Variants in BFAR observed in about 807,000 individuals in gnomAD.
BFAR encodes bifunctional apoptosis regulator.
Under a neutral mutation model 54.4 loss-of-function variants are expected in BFAR, and 52 were observed. The observed-to-expected ratio is 0.96, with a 90% confidence interval of 0.77 to 1.21. BFAR has a LOEUF of 1.21. BFAR is among the 50% of genes most tolerant of loss of function. BFAR has a pLI of 0.00. For missense variants in BFAR, 571 were observed against 534.0 expected (o/e 1.07, Z -0.68); for synonymous variants, 215 against 204.3 (o/e 1.05, Z -0.45).
chr16:14,636,720 T>C (rs1397586412), intron 1 of BFAR, among the ~76,000 whole-genome samples: 1 of 152,186 alleles, frequency 6.6e-6, no homozygotes, highest in Non-Finnish European at 1.5e-5. Flanking sequence ...GTCAGGTCTT[T>C]CCCTTCCCAA....
chr16:14,637,188 C>G (rs369516984), intron 1 of BFAR, among the ~76,000 whole-genome samples: 1 of 139,454 alleles, frequency 7.2e-6, no homozygotes, highest in East Asian at 2.2e-4. Context: ...AGTTCATGTT[C>G]CAAAATGCTG....
At chr16:14,647,167 C>G (rs1179508967) in intron 2 of BFAR, among the ~76,000 whole-genome samples, 2 of 152,020 alleles carry the variant, frequency 1.3e-5, no homozygotes, top group African/African-American at 2.4e-5. Context: ...TCACTGCAAC[C>G]TCCTCCTCCC....
chr16:14,659,240 T>TG (rs1567493895), intron 5 of BFAR, among the ~76,000 whole-genome samples: 7 of 147,768 alleles, frequency 4.7e-5, no homozygotes, highest in Non-Finnish European at 1.0e-4. Context: ...TTTTGTTTTT[T>TG]TTTGTTTTTT....
At chr16:14,648,711 T>C (rs990274099) in intron 3 of BFAR, 119 bp downstream of exon 3, 3 of 747,996 alleles carry the variant, frequency 4.0e-6, no homozygotes, top group Non-Finnish European at 6.7e-6. Context: ...CTCCATGTAA[T>C]TTACTACGTA....
intron 6 of BFAR, among the ~76,000 whole-genome samples, chr16:14,663,075 A>G (rs1960336921): frequency 1.3e-5 from 2 of 152,352 alleles, no homozygotes; most frequent in South Asian, 4.1e-4. Context: ...ATAACTGGTT[A>G]GGTCAGGGGT....
intron 3 of BFAR, 60 bp from the exon 4 acceptor site, chr16:14,649,744 T>C: frequency 6.9e-7 from 1 of 1,446,042 alleles, no homozygotes; most frequent in Non-Finnish European, 9.4e-7. Flanking sequence ...CCCACCCGCA[T>C]ATTTAGAAAC....
chr16:14,665,419 A>G (rs1326364477), intron 7 of BFAR, among the ~76,000 whole-genome samples: 3 of 152,328 alleles, frequency 2.0e-5, no homozygotes, highest in Non-Finnish European at 2.9e-5. Flanking sequence ...GTGCAAACCT[A>G]TCCCCTAAAT....
chr16:14,654,916 A>G (rs79446191), intron 4 of BFAR, 150 bp from the exon 5 acceptor site: 30,354 of 790,374 alleles, frequency 0.038, 710 homozygotes, highest in East Asian at 0.058. Flanking sequence ...TAAGCATTCA[A>G]TTATTTGCTG....
intron 5 of BFAR, among the ~76,000 whole-genome samples, chr16:14,656,048 A>G (rs1250739811): frequency 7.9e-5 from 12 of 152,096 alleles, no homozygotes; most frequent in Non-Finnish European, 1.8e-4. Context: ...CGTCTCTACT[A>G]AAATCACAAA....
In BFAR at chr16:14,663,537, C is replaced by T. The variant is rs553188769; in HGVS notation, c.958-1332C>T. On this transcript the variant is annotated intron_variant, in intron 6 of 7. Coordinates refer to ENST00000261658, the MANE Select transcript of BFAR (RefSeq NM_016561.3). ...TAGTAGAGATGGGGTTTCACTGTGT[C>T]AGCCAGGATGGTCTTGATCTCCTGA... is the stretch of plus-strand genomic sequence containing the variant. Among the ~76,000 whole-genome samples, 531 of 151,662 alleles carry T rather than the reference C, an allele frequency of 3.5e-3. 5 individuals are homozygous for T. The highest frequency in any genetic ancestry group is 0.021 in the Middle Eastern group (6 of 290).
chr16:14,663,203 GA>G (rs1960341121), intron 6 of BFAR, among the ~76,000 whole-genome samples: 1 of 152,200 alleles, frequency 6.6e-6, no homozygotes, highest in Non-Finnish European at 1.5e-5. Flanking sequence ...AAGACAACAT[GA>G]GGGGTGGTCT....
intron 5 of BFAR, 33 bp downstream of exon 5, chr16:14,655,243 C>G (rs975140615): frequency 5.3e-6 from 5 of 939,404 alleles, no homozygotes; most frequent in Admixed American, 3.7e-5. Flanking sequence ...TTTTTTTTTA[C>G]TTTTTATTTT....
chr16:14,645,329 AAG>A (rs944737806), intron 2 of BFAR, among the ~76,000 whole-genome samples: 3 of 152,140 alleles, frequency 2.0e-5, no homozygotes, highest in African/African-American at 4.8e-5. Flanking sequence ...GAAAGAAAGA[AAG>A]AAAGAAAGCA....
At chr16:14,643,039 G>A (rs971734122) in intron 1 of BFAR, among the ~76,000 whole-genome samples, 1 of 151,864 alleles carries the variant, frequency 6.6e-6, no homozygotes, top group Non-Finnish European at 1.5e-5. Context: ...AAAGCCAGAT[G>A]TGGTGGCTCA....
chr16:14,663,678 TCTC>T (rs1960356806), intron 6 of BFAR, among the ~76,000 whole-genome samples: 1 of 151,978 alleles, frequency 6.6e-6, no homozygotes, highest in South Asian at 2.1e-4. Flanking sequence ...TTGAAAAGCT[TCTC>T]CTCCTGCCAT....
Position 14,665,018 on chromosome 16 carries a change from C to G in BFAR, c.1107C>G (p.Leu369=). ...SRFLIINAML[L]SVLELFSFWR... is the part of the protein sequence containing the mutation. ...TTCTCATCATCAATGCTATGTTACTCTCAGTTCTGGAATTATTCTCCTTTT... is the reference window on the plus strand; with the variant it reads ...TTCTCATCATCAATGCTATGTTACTGTCAGTTCTGGAATTATTCTCCTTTT... Residue 369 remains leucine, a synonymous_variant, in exon 7 of 8, where the codon CTC becomes CTG. Transcript: ENST00000261658. 2 of 1,614,132 alleles carry G rather than the reference C, an allele frequency of 1.2e-6. No homozygotes were observed. Among genetic ancestry groups the G allele is most frequent in the Non-Finnish European group, 1.7e-6 (2 of 1,179,990 alleles).
At chr16:14,645,237 C>T (rs1271014597) in intron 2 of BFAR, among the ~76,000 whole-genome samples, 2 of 151,856 alleles carry the variant, frequency 1.3e-5, no homozygotes, top group African/African-American at 2.4e-5. Context: ...ATTGCTTGAG[C>T]CTGGGAGGTC....
rs539961441 is a variant in BFAR at position 14,669,092 on chromosome 16, A to G, written c.*1265A>G. 89 of 454,480 alleles carry G rather than the reference A, an allele frequency of 2.0e-4. No individual in the cohort carries two copies. The highest frequency in any genetic ancestry group is 1.3e-3 in the South Asian group (84 of 64,298). 28.2% of individuals were successfully genotyped at this position (454,480 alleles called of 1,614,324 possible). A position where few individuals can be genotyped will look rare whatever the true frequency, so the allele number is the denominator to read the frequency against. Reference sequence around the variant, plus strand: ...AGACAGGCCTTGCAGAAATAGGCCTACATCCAAAATATTATCTTGTGACTC... The same window carrying G: ...AGACAGGCCTTGCAGAAATAGGCCTGCATCCAAAATATTATCTTGTGACTC... On this transcript the variant is annotated 3_prime_UTR_variant, in exon 8 of 8. Coordinates refer to ENST00000261658, the MANE Select transcript of BFAR (RefSeq NM_016561.3).
chr16:14,639,125 T>C (rs1959544274), intron 1 of BFAR, among the ~76,000 whole-genome samples: 1 of 152,068 alleles, frequency 6.6e-6, no homozygotes, highest in Non-Finnish European at 1.5e-5. Context: ...TAGATGATCA[T>C]TCAAATTCAC....
Sources: allele counts gnomAD v4.1 joint callset (sites outside exome capture counted in the v4.1 genomes callset), GRCh38; gene constraint gnomAD v4.1.1; transcripts MANE v1.5; gene names NCBI Gene and HGNC (gene_info 2026-07-23, HGNC 2026-07-21).